The following KDM4C variants were observed in gnomAD, a reference collection of about 807,000 sequenced individuals.
KDM4C encodes the protein lysine-specific demethylase 4C.
KDM4C carries 81 observed loss-of-function variants against 129.3 expected under a neutral mutation model. The ratio of observed to expected loss-of-function variants is 0.63; its 90% confidence interval spans 0.52 to 0.75. KDM4C has a LOEUF of 0.75. Ranked by LOEUF, KDM4C falls within the 30% of genes least tolerant of loss-of-function variation. The pLI is 0.00. For synonymous variants in KDM4C, 573 were observed against 456.1 expected, an observed-to-expected ratio of 1.26 and a Z score of -3.26; for missense variants, 1,457 against 1,304.0, an observed-to-expected ratio of 1.12 and a Z score of -1.81.
intron 8 of KDM4C, among the ~76,000 whole-genome samples, chr9:6,960,513 C>T (rs1045297004): frequency 1.4e-4 from 21 of 151,986 alleles, no homozygotes; most frequent in African/African-American, 5.1e-4. Flanking sequence ...CCTACCTCGG[C>T]CTTCCAAAAT....
chr9:6,833,609 T>C (rs935343180), intron 4 of KDM4C, among the ~76,000 whole-genome samples: 4 of 152,164 alleles, frequency 2.6e-5, no homozygotes, highest in African/African-American at 9.7e-5. Flanking sequence ...TAAAACAGTG[T>C]TGATAATAGT....
At chr9:6,778,595 C>T (rs974630619) in intron 1 of KDM4C, among the ~76,000 whole-genome samples, 6 of 151,292 alleles carry the variant, frequency 4.0e-5, no homozygotes, top group Admixed American at 1.3e-4. Flanking sequence ...GGTGAAACCC[C>T]GCCTCTACTA....
chr9:6,882,875 G>A (rs1236984186), intron 6 of KDM4C, among the ~76,000 whole-genome samples: 1 of 151,958 alleles, frequency 6.6e-6, no homozygotes, highest in African/African-American at 2.4e-5. Context: ...TAATCCTGTG[G>A]AGTAAGAGGT....
chr9:6,827,201 C>G (rs1046565161), intron 4 of KDM4C, among the ~76,000 whole-genome samples: 1 of 152,236 alleles, frequency 6.6e-6, no homozygotes, highest in East Asian at 1.9e-4. Context: ...GTCTGCCATT[C>G]CTAGCTGTGA....
At chr9:7,139,674 A>G (rs1207374900) in intron 19 of KDM4C, among the ~76,000 whole-genome samples, 1 of 152,222 alleles carries the variant, frequency 6.6e-6, no homozygotes, top group Admixed American at 6.5e-5. Flanking sequence ...GAAATAATTT[A>G]TGTATCGCAT....
chr9:7,116,941 T>C (rs1258934750), intron 18 of KDM4C, among the ~76,000 whole-genome samples: 1 of 152,156 alleles, frequency 6.6e-6, no homozygotes, highest in Non-Finnish European at 1.5e-5. Context: ...TAGATAAGAG[T>C]TACAAAAGTA....
chr9:7,005,676 G>C (rs1563969446), intron 12 of KDM4C, among the ~76,000 whole-genome samples: 1 of 152,140 alleles, frequency 6.6e-6, no homozygotes, highest in Non-Finnish European at 1.5e-5. Context: ...GATTATGTTG[G>C]AGGCCTAGAG....
At chr9:7,006,011 G>A (rs1430865337) in intron 12 of KDM4C, among the ~76,000 whole-genome samples, 12 of 152,092 alleles carry the variant, frequency 7.9e-5, no homozygotes, top group Non-Finnish European at 1.0e-4. Context: ...CATAAAAGTC[G>A]TTTACACTTT....
intron 1 of KDM4C, among the ~76,000 whole-genome samples, chr9:6,791,176 A>G (rs867251599): frequency 7.2e-5 from 11 of 152,046 alleles, no homozygotes; most frequent in Admixed American, 3.3e-4. Context: ...CAGTGGCATG[A>G]TCTCGGCTTA....
At chr9:6,782,732 T>C (rs1340949065) in intron 1 of KDM4C, among the ~76,000 whole-genome samples, 1 of 152,140 alleles carries the variant, frequency 6.6e-6, no homozygotes, top group Non-Finnish European at 1.5e-5. Flanking sequence ...TGGAACGATA[T>C]TGAGCTATTG....
chr9:6,998,628 T>C (rs1416772264), intron 12 of KDM4C, among the ~76,000 whole-genome samples: 1 of 152,130 alleles, frequency 6.6e-6, no homozygotes, highest in Non-Finnish European at 1.5e-5. Flanking sequence ...AAACCCTGCC[T>C]CTACTAAAAA....
intron 18 of KDM4C, among the ~76,000 whole-genome samples, chr9:7,109,566 G>T (rs530608763): frequency 9.9e-5 from 15 of 152,204 alleles, no homozygotes; most frequent in Non-Finnish European, 1.9e-4. Flanking sequence ...ATGTAAGACG[G>T]GTGGTCAGAT....
intron 19 of KDM4C, among the ~76,000 whole-genome samples, chr9:7,163,954 A>G (rs1348506971): frequency 6.6e-6 from 1 of 152,106 alleles, no homozygotes; most frequent in African/African-American, 2.4e-5. Context: ...TTCCATGTAT[A>G]CTCCTAACCC....
intron 1 of KDM4C, among the ~76,000 whole-genome samples, chr9:6,749,486 A>AC: frequency 6.6e-6 from 1 of 151,976 alleles, no homozygotes; most frequent in Non-Finnish European, 1.5e-5. Context: ...ATATGGTGAG[A>AC]CCCCATCTCT....
chr9:6,934,531 C>G (rs1341384885), intron 8 of KDM4C, among the ~76,000 whole-genome samples: 2 of 139,128 alleles, frequency 1.4e-5, no homozygotes, highest in East Asian at 2.0e-4. Context: ...AACTTATATC[C>G]TCTCTCTTTT....
intron 15 of KDM4C, among the ~76,000 whole-genome samples, chr9:7,026,392 A>G (rs1825826301): frequency 6.6e-6 from 1 of 152,042 alleles, no homozygotes; most frequent in Non-Finnish European, 1.5e-5. Flanking sequence ...AGCACTTTAA[A>G]TATGTCATGA....
chr9:6,943,212 T>G (rs1281814745), intron 8 of KDM4C, among the ~76,000 whole-genome samples: 1 of 152,158 alleles, frequency 6.6e-6, no homozygotes, highest in African/African-American at 2.4e-5. Context: ...TTTTTTTTCT[T>G]ACCTCTGTTA....
At chr9:7,016,968 C>G (rs1405149178) in intron 15 of KDM4C, among the ~76,000 whole-genome samples, 1 of 152,192 alleles carries the variant, frequency 6.6e-6, no homozygotes, top group Non-Finnish European at 1.5e-5. Flanking sequence ...CAGGGTCTCA[C>G]TCTGTCATCC....
intron 1 of KDM4C, chr9:6,723,795 T>G (rs1427782074): frequency 6.6e-6 from 1 of 152,170 alleles, no homozygotes; most frequent in African/African-American, 2.4e-5. Flanking sequence ...ATTAATCTAT[T>G]TGTCTGTGGT....
Sources: gnomAD v4.1 joint callset for allele counts (sites outside exome capture counted in the v4.1 genomes callset) on GRCh38, gnomAD v4.1.1 for gene constraint, MANE v1.5 for transcripts, NCBI Gene and HGNC (gene_info 2026-07-23, HGNC 2026-07-21) for gene names.